Variants in ZNG1A observed in about 807,000 individuals in gnomAD.
ZNG1A encodes the protein zinc-regulated GTPase metalloprotein activator 1A.
the ZNG1A span, among the ~76,000 whole-genome samples, chr9:140,709 G>A: frequency 6.6e-6 from 1 of 152,102 alleles, no homozygotes; most frequent in Non-Finnish European, 1.5e-5. Flanking sequence ...TTGACGAGCT[G>A]AGAGAAGAAG....
At chr9:171,982 A>G in the ZNG1A span, 881 of 1,587,228 alleles carry the variant, frequency 5.6e-4, 15 homozygotes, top group East Asian at 0.018. Flanking sequence ...GTTTAATACT[A>G]ACAAAAGCTT....
the ZNG1A span, chr9:171,800 T>C: frequency 4.6e-6 from 2 of 430,396 alleles, no homozygotes; most frequent in African/African-American, 2.0e-5. Flanking sequence ...TCTTCCTACA[T>C]GTCCTTATTT....
At chr9:139,868 G>A in the ZNG1A span, among the ~76,000 whole-genome samples, 3 of 151,372 alleles carry the variant, frequency 2.0e-5, no homozygotes, top group East Asian at 1.9e-4. Context: ...GGGGGTCAGG[G>A]AGTTCCCTTT....
At chr9:178,472 T>G in the ZNG1A span, among the ~76,000 whole-genome samples, 4 of 110,314 alleles carry the variant, frequency 3.6e-5, no homozygotes, top group East Asian at 9.1e-4. Context: ...TGACAGGTAT[T>G]TCTCCATTTT....
chr9:124,913 C>G, the ZNG1A span, among the ~76,000 whole-genome samples: 1 of 151,400 alleles, frequency 6.6e-6, no homozygotes, highest in Non-Finnish European at 1.5e-5. Context: ...GAGGAGTATT[C>G]CATTGTATGC....
chr9:174,358 A>G, the ZNG1A span, among the ~76,000 whole-genome samples: 1 of 152,082 alleles, frequency 6.6e-6, no homozygotes, highest in Non-Finnish European at 1.5e-5. Flanking sequence ...GTAGTTTTAC[A>G]CTTACATATT....
the ZNG1A span, chr9:161,796 T>G: frequency 2.1e-6 from 1 of 474,602 alleles, no homozygotes; most frequent in Non-Finnish European, 3.9e-6. Context: ...GCAGGATGTC[T>G]TTTACACTTC....
chr9:171,959 A>T, the ZNG1A span: 1 of 1,522,458 alleles, frequency 6.6e-7, no homozygotes, highest in Non-Finnish European at 9.0e-7. Context: ...TTTTAAACCA[A>T]AAAAAGTTTT....
chr9:170,446 C>CT, the ZNG1A span, among the ~76,000 whole-genome samples: 2 of 150,442 alleles, frequency 1.3e-5, no homozygotes, highest in East Asian at 3.9e-4. Flanking sequence ...AGTGCAGTGG[C>CT]GTGATCTCGG....
chr9:128,648 TAACC>T, the ZNG1A span, among the ~76,000 whole-genome samples: 4 of 150,282 alleles, frequency 2.7e-5, no homozygotes, highest in Admixed American at 1.3e-4. Flanking sequence ...CTTAGCTTAA[TAACC>T]AACCTAGTGA....
the ZNG1A span, among the ~76,000 whole-genome samples, chr9:127,070 A>C: frequency 6.6e-6 from 1 of 152,078 alleles, no homozygotes; most frequent in Non-Finnish European, 1.5e-5. Context: ...ATTTTCTTAA[A>C]ATTTATTGAG....
the ZNG1A span, among the ~76,000 whole-genome samples, chr9:141,383 T>C: frequency 8.7e-5 from 13 of 149,524 alleles, no homozygotes; most frequent in South Asian, 4.4e-4. Context: ...TGGGGGCCAA[T>C]ATTCAACATT....
At chr9:159,582 G>A in the ZNG1A span, among the ~76,000 whole-genome samples, 25 of 151,968 alleles carry the variant, frequency 1.6e-4, no homozygotes, top group Middle Eastern at 3.4e-3. Context: ...GGGGGGTTAG[G>A]GAGAGAAACA....
the ZNG1A span, among the ~76,000 whole-genome samples, chr9:163,799 C>G: frequency 6.6e-6 from 1 of 151,800 alleles, no homozygotes; most frequent in Non-Finnish European, 1.5e-5. Context: ...CGCCTGTAGT[C>G]CCAGCTACTC....
At chr9:160,110 A>G in the ZNG1A span, 2 of 454,564 alleles carry the variant, frequency 4.4e-6, no homozygotes, top group African/African-American at 4.0e-5. Context: ...CAGAATAGAG[A>G]GCTGTCATTT....
chr9:177,738 G>C, the ZNG1A span: 1 of 1,535,490 alleles, frequency 6.5e-7, no homozygotes, highest in Non-Finnish European at 8.8e-7. Flanking sequence ...AGCAATACGG[G>C]AAAGGCCCGA....
the ZNG1A span, among the ~76,000 whole-genome samples, chr9:141,570 C>A: frequency 2.6e-5 from 4 of 151,298 alleles, no homozygotes; most frequent in African/African-American, 9.8e-5. Flanking sequence ...ACAACCGGTA[C>A]CAGCCGCTGC....
chr9:163,049 ATT>A, the ZNG1A span, among the ~76,000 whole-genome samples: 2 of 150,808 alleles, frequency 1.3e-5, no homozygotes, highest in African/African-American at 4.8e-5. Flanking sequence ...AATGAGTTTA[ATT>A]ATGCCTAAGG....
At chr9:160,284 C>T in the ZNG1A span, 2 of 415,944 alleles carry the variant, frequency 4.8e-6, no homozygotes, top group Non-Finnish European at 9.6e-6. Context: ...GATGGGCTGG[C>T]TCTGTGAAGC....
Sources: gnomAD v4.1 joint callset for allele counts (sites outside exome capture counted in the v4.1 genomes callset) on GRCh38, gnomAD v4.1.1 for gene constraint, MANE v1.5 for transcripts, NCBI Gene and HGNC (gene_info 2026-07-23, HGNC 2026-07-21) for gene names.